The following PLEKHF1 variants were observed in gnomAD, a reference collection of about 807,000 sequenced individuals.
PLEKHF1 encodes pleckstrin homology and FYVE domain containing 1.
In PLEKHF1, 1 loss-of-function variant was observed where a neutral mutation model predicts 4.1. The observed-to-expected ratio is 0.24, with a 90% confidence interval of 0.09 to 1.15. The LOEUF is 1.15. Ranked by LOEUF, PLEKHF1 falls within the 50% of genes most tolerant of loss-of-function variation. PLEKHF1 has a pLI of 0.52. For missense variants in PLEKHF1, 429 were observed against 400.6 expected (o/e 1.07, Z -0.60); for synonymous variants, 182 against 178.5 (o/e 1.02, Z -0.16).
chr19:29,669,326 A>G (rs1313119287), intron 1 of PLEKHF1, among the ~76,000 whole-genome samples: 1 of 152,192 alleles, frequency 6.6e-6, no homozygotes, highest in Non-Finnish European at 1.5e-5. Flanking sequence ...CGGGAGGGCT[A>G]CCTGCTCTCT....
Position 29,668,251 on chromosome 19 carries a change from G to A in PLEKHF1, c.-17+2746G>A, listed in dbSNP as rs550528812. Among the ~76,000 whole-genome samples, 16 of 152,312 alleles carry A rather than the reference G, an allele frequency of 1.1e-4. No homozygotes were observed. The South Asian group carries it at 3.1e-3, about 30-fold the overall frequency. ...GTCACCCCTCTACCAGCAGCCCTGG[G>A]GCCACACTGGGGCCAATACAGGCAC... On this transcript the variant is annotated intron_variant, in intron 1 of 1. Coordinates refer to ENST00000436066, the MANE Select transcript of PLEKHF1 (RefSeq NM_024310.5).
chr19:29,673,758 G>T (rs1356257326), intron 1 of PLEKHF1, 66 bp from the exon 2 acceptor site: 3 of 1,540,832 alleles, frequency 1.9e-6, no homozygotes, highest in Admixed American at 1.9e-5. Context: ...GTTGGGGGTG[G>T]GCAGCGTGGT....
intron 1 of PLEKHF1, among the ~76,000 whole-genome samples, chr19:29,668,732 A>AAAAG (rs954497755): frequency 6.6e-6 from 1 of 151,862 alleles, no homozygotes; most frequent in South Asian, 2.1e-4. Flanking sequence ...AAAAAAAAAA[A>AAAAG]AAAGAAAGAA....
intron 1 of PLEKHF1, among the ~76,000 whole-genome samples, chr19:29,670,522 C>T (rs1417544713): frequency 6.6e-6 from 1 of 152,160 alleles, no homozygotes; most frequent in East Asian, 1.9e-4. Context: ...TTCATCCATT[C>T]TCCCATTGAC....
intron 1 of PLEKHF1, among the ~76,000 whole-genome samples, chr19:29,668,945 C>T (rs1297087274): frequency 6.6e-6 from 1 of 152,098 alleles, no homozygotes; most frequent in Non-Finnish European, 1.5e-5. Flanking sequence ...CATGTGAGCC[C>T]CTGGCTTCCC....
chr19:29,674,475 C>T lies in PLEKHF1; in HGVS notation c.636C>T (p.Ala212=), dbSNP rs981529923. Residue 212 remains alanine, a synonymous_variant, in exon 2 of 2, where the codon GCC becomes GCT. Transcript: ENST00000436066. ...RVCSLCYREL[A]AQQRQEEAEE... is the part of the protein sequence containing the mutation. ...GCAGCCTCTGCTACCGCGAACTGGCCGCCCAGCAGCGGCAGGAGGAGGCGG... is the reference window on the plus strand; with the variant it reads ...GCAGCCTCTGCTACCGCGAACTGGCTGCCCAGCAGCGGCAGGAGGAGGCGG... 2 of 1,542,424 alleles carry T rather than the reference C, an allele frequency of 1.3e-6. No individual in the cohort carries two copies. The highest frequency in any genetic ancestry group is 1.7e-6 in the Non-Finnish European group (2 of 1,147,300).
chr19:29,674,007 C>G lies in PLEKHF1; in HGVS notation c.168C>G (p.Phe56Leu). The G allele has an allele frequency of 6.2e-7, 1 of 1,614,122 alleles. No homozygotes were observed. Among genetic ancestry groups the G allele is most frequent in the Non-Finnish European group, 8.5e-7 (1 of 1,179,998 alleles). Residue 56 changes from phenylalanine (F) to leucine (L), a missense_variant, in exon 2 of 2, where the codon TTC (phenylalanine) becomes TTG (leucine). Physicochemically the swap from Phe to Leu is conservative, Grantham distance 22. Transcript: ENST00000436066. ...CRKKAKPRIF[F>L]LFNDILVYGS... ...AGAAGGCCAAGCCGCGCATCTTCTT[C>G]CTCTTTAACGACATCCTGGTGTATG...
At chr19:29,666,962 C>G (rs565215519) in intron 1 of PLEKHF1, 1 of 152,356 alleles carries the variant, frequency 6.6e-6, no homozygotes, top group East Asian at 1.9e-4. Context: ...GGAGGCTTGG[C>G]GCCTGATGCT....
In PLEKHF1 at chr19:29,665,472, G is replaced by A. The variant is rs1422720061; in HGVS notation, c.-50G>A. 1.0e-6 allele frequency: 1 copy of A among 996,954 alleles called. No individual in the cohort carries two copies. Among genetic ancestry groups the A allele is most frequent in the South Asian group, 1.6e-5 (1 of 64,456 alleles). The allele number at this position is 996,954 out of a possible 1,614,324, so 61.8% of individuals were successfully genotyped here. A position where few individuals can be genotyped will look rare whatever the true frequency, so the allele number is the denominator to read the frequency against. On this transcript the variant is annotated 5_prime_UTR_variant, in exon 1 of 2. Coordinates refer to ENST00000436066, the MANE Select transcript of PLEKHF1 (RefSeq NM_024310.5). ...CGGGGACCCGGGCTACTGCGGTGTG[G>A]ACTCGAGGGCTGGGCGCGGGGCCGG...
chr19:29,668,548 C>T (rs975832775), intron 1 of PLEKHF1, among the ~76,000 whole-genome samples: 2 of 151,836 alleles, frequency 1.3e-5, no homozygotes, highest in Non-Finnish European at 2.9e-5. Context: ...AGTGAACCCT[C>T]GCCTCTAAAA....
rs201132096 is a variant in PLEKHF1, at chr19:29,674,040, C to G, written c.201C>G (p.Ile67Met). The G allele has an allele frequency of 1.2e-5, 20 of 1,614,166 alleles. No homozygotes were observed. In the East Asian group the frequency reaches 4.2e-4, roughly 34 times the overall value. The change falls in exon 2 of 2, where the codon ATC (isoleucine) becomes ATG (methionine). Residue 67 changes from isoleucine to methionine, a missense_variant. Coordinates refer to ENST00000436066, the MANE Select transcript of PLEKHF1 (RefSeq NM_024310.5). ...LFNDILVYGS[I>M]VLNKRKYRSQ... ...ACGACATCCTGGTGTATGGCAGCAT[C>G]GTGCTCAACAAGCGCAAGTACCGCA...
chr19:29,666,957 C>A (rs1300466501), intron 1 of PLEKHF1: 1 of 152,264 alleles, frequency 6.6e-6, no homozygotes, highest in African/African-American at 2.4e-5. Flanking sequence ...GGAGAGGAGG[C>A]TTGGCGCCTG....
Position 29,674,198 on chromosome 19 carries a change from A to G in PLEKHF1, c.359A>G (p.Gln120Arg), listed in dbSNP as rs1300168564. The change falls in exon 2 of 2, where the codon CAG becomes CGG. Residue 120 changes from glutamine (Q) to arginine (R), a missense_variant. Gln to Arg is a conservative substitution (Grantham distance 43). Transcript: ENST00000436066. Reference sequence around the variant, plus strand: ...TCGGCCGCCTCCGCTACGGAGCGCCAGGAATGGATTAGCCACATCGAGGAG... The same window carrying G: ...TCGGCCGCCTCCGCTACGGAGCGCCGGGAATGGATTAGCCACATCGAGGAG... ...VVSAASATER[Q>R]EWISHIEECV... is the part of the protein sequence containing the mutation. 6.2e-7 allele frequency: 1 copy of G among 1,613,084 alleles called. No homozygotes were observed. The highest frequency in any genetic ancestry group is 1.7e-5 in the Admixed American group (1 of 60,028).
At chr19:29,673,275 T>C (rs1291456738) in intron 1 of PLEKHF1, among the ~76,000 whole-genome samples, 1 of 152,142 alleles carries the variant, frequency 6.6e-6, no homozygotes, top group Non-Finnish European at 1.5e-5. Context: ...CCAGGTCTCC[T>C]GGCACAGACC....
Position 29,671,588 on chromosome 19 carries a change from T to G in PLEKHF1, c.-16-2236T>G, listed in dbSNP as rs10424881. Among the ~76,000 whole-genome samples, 49,240 of 151,996 alleles carry G rather than the reference T, an allele frequency of 0.32. 10,063 individuals are homozygous for G. The highest frequency in any genetic ancestry group is 0.58 in the African/African-American group (24,119 of 41,422). ...GATCAGTCATGGTGGGACAGGTCAG[T>G]TCTGTCACTGGTAATCCCCTAGGTT... On this transcript the variant is annotated intron_variant, in intron 1 of 1. Coordinates refer to ENST00000436066, the MANE Select transcript of PLEKHF1 (RefSeq NM_024310.5). The surrounding 1 kb of genome is among the most constrained non-coding windows in gnomAD (Gnocchi z 4.0).
chr19:29,667,627 C>T (rs1971583741), intron 1 of PLEKHF1, among the ~76,000 whole-genome samples: 1 of 152,080 alleles, frequency 6.6e-6, no homozygotes, highest in African/African-American at 2.4e-5. Context: ...AGTTACAGCC[C>T]CCACCCCATC....
rs1031895279 is a variant in PLEKHF1 at position 29,671,685 on chromosome 19, C to T, written c.-16-2139C>T. On this transcript the variant is annotated intron_variant, in intron 1 of 1. Transcript: ENST00000436066. This position sits in a 1 kb window ranked among gnomAD's most constrained non-coding sequence, Gnocchi z 4.0. The stretch of plus-strand genomic sequence containing the variant: ...GTAAGGTAGTGTGGGCAGCCCTTCT[C>T]AGGACACTTGTGATCTGCAGGGGCA... 3.9e-5 allele frequency among the ~76,000 whole-genome samples: 6 copies of T among 152,186 alleles called. No individual in the cohort carries two copies. The highest frequency in any genetic ancestry group is 7.3e-5 in the Non-Finnish European group (5 of 68,028).
At chr19:29,668,323 G>A (rs369119112) in intron 1 of PLEKHF1, among the ~76,000 whole-genome samples, 7 of 152,212 alleles carry the variant, frequency 4.6e-5, no homozygotes, top group South Asian at 4.1e-4. Flanking sequence ...ACATCTTCCC[G>A]AGGCAGGCCG....
chr19:29,668,127 G>T (rs565010756), intron 1 of PLEKHF1, among the ~76,000 whole-genome samples: 1 of 152,300 alleles, frequency 6.6e-6, no homozygotes, highest in Admixed American at 6.5e-5. Context: ...CAGGCAGCAG[G>T]ATTGCTGAGC....
Sources: allele counts gnomAD v4.1 joint callset (sites outside exome capture counted in the v4.1 genomes callset), GRCh38; gene constraint gnomAD v4.1.1; non-coding constraint Gnocchi (gnomAD v3.1); transcripts MANE v1.5; gene names NCBI Gene and HGNC (gene_info 2026-07-23, HGNC 2026-07-21).